Variants in WDR19 observed in about 807,000 individuals in gnomAD.
The protein encoded by WDR19 is WD repeat-containing protein 19.
A neutral mutation model predicts 180.0 loss-of-function variants in WDR19; 121 were observed. That is an observed-to-expected ratio of 0.67 (90% CI 0.58 to 0.78). The LOEUF (loss-of-function observed/expected upper bound fraction) is 0.78. WDR19 is among the 30% of genes least tolerant of loss of function. The pLI, the probability that WDR19 is intolerant of heterozygous loss-of-function variation, is 0.00. For missense variants in WDR19, 1,450 were observed against 1,640.7 expected, an observed-to-expected ratio of 0.88 and a Z score of 2.01; for synonymous variants, 497 against 540.7, an observed-to-expected ratio of 0.92 and a Z score of 1.12.
At position 39,185,530 on chromosome 4, in the gene WDR19, G is replaced by C. The variant is rs28639548; in HGVS notation, c.7-196G>C. Among the ~76,000 whole-genome samples, 47,858 of 151,938 alleles carry C rather than the reference G, an allele frequency of 0.31. 7,664 individuals carry two copies. The highest frequency in any genetic ancestry group is 0.36 in the African/African-American group (14,842 of 41,428). On this transcript the variant is annotated intron_variant, in intron 1 of 36. Coordinates refer to ENST00000399820, the MANE Select transcript of WDR19 (RefSeq NM_025132.4). ...TATCTTGAGATCTGTAATTTACCAA[G>C]TAGTTGTGTATGTTTAGTTGGTTGG...
At chr4:39,237,565 C>A (rs1371218794) in intron 20 of WDR19, 1 of 151,854 alleles carries the variant, frequency 6.6e-6, no homozygotes, top group Non-Finnish European at 1.5e-5. Flanking sequence ...GACCCTGTCT[C>A]AAAAAAAGAA....
intron 1 of WDR19, among the ~76,000 whole-genome samples, chr4:39,184,681 G>A (rs776650332): frequency 1.3e-5 from 2 of 151,898 alleles, no homozygotes; most frequent in African/African-American, 2.4e-5. Context: ...TTGGCCAGGC[G>A]GTGTTTAATT....
intron 1 of WDR19, among the ~76,000 whole-genome samples, chr4:39,183,601 A>G (rs1393698368): frequency 1.3e-5 from 2 of 152,136 alleles, no homozygotes; most frequent in African/African-American, 4.8e-5. Flanking sequence ...CTTCGTGGCT[A>G]TTAGTGTGGA....
At chr4:39,204,671 A>G (rs1334672394) in intron 7 of WDR19, among the ~76,000 whole-genome samples, 1 of 152,228 alleles carries the variant, frequency 6.6e-6, no homozygotes, top group Admixed American at 6.5e-5. Flanking sequence ...AGTAGCAAAG[A>G]GACACTAGTT....
chr4:39,208,807 G>T (rs927067616), intron 9 of WDR19, among the ~76,000 whole-genome samples: 6 of 152,110 alleles, frequency 3.9e-5, no homozygotes, highest in African/African-American at 9.7e-5. Context: ...ACCTAAAGAT[G>T]ACTGAAAGTA....
At chr4:39,275,981 G>A (rs1735852727) in intron 33 of WDR19, among the ~76,000 whole-genome samples, 1 of 152,140 alleles carries the variant, frequency 6.6e-6, no homozygotes, top group East Asian at 1.9e-4. Context: ...AGAAAAACTA[G>A]GAAAAAGTAG....
Position 39,224,893 on chromosome 4 carries a change from G to A in WDR19, c.1489G>A (p.Val497Ile), listed in dbSNP as rs773247843. The part of the protein sequence containing the change: ...FLIYGTDTGV[V>I]QYFYIEDWQF... ...TTTTTTTTTTTTTTAGACTGGTGTC[G>A]TTCAGTATTTCTACATTGAAGACTG... The change falls in exon 15 of 37, where the codon GTT becomes ATT. Residue 497 changes from valine to isoleucine, a missense_variant. Transcript: ENST00000399820. The A allele has an allele frequency of 5.5e-5, 83 of 1,497,240 alleles. No individual in the cohort carries two copies. Among genetic ancestry groups the A allele is most frequent in the Middle Eastern group, 2.1e-4 (1 of 4,712 alleles). 92.7% of individuals were successfully genotyped at this position (1,497,240 alleles called of 1,614,324 possible).
intron 24 of WDR19, among the ~76,000 whole-genome samples, chr4:39,251,520 T>C (rs1157521240): frequency 2.6e-5 from 4 of 152,044 alleles, no homozygotes; most frequent in Non-Finnish European, 5.9e-5. Flanking sequence ...TGGGATCTAA[T>C]TAAACTAAAG....
intron 25 of WDR19, 97 bp from the exon 26 acceptor site, chr4:39,253,808 TA>T: frequency 2.8e-6 from 3 of 1,060,386 alleles, no homozygotes; most frequent in Non-Finnish European, 4.0e-6. Flanking sequence ...GCAATTTATC[TA>T]AAAATTTTGA....
At chr4:39,221,291 A>T (rs926416782) in intron 14 of WDR19, among the ~76,000 whole-genome samples, 1 of 152,132 alleles carries the variant, frequency 6.6e-6, no homozygotes, top group African/African-American at 2.4e-5. Flanking sequence ...GAAGATACTG[A>T]AGATTGAGAG....
intron 36 of WDR19, among the ~76,000 whole-genome samples, chr4:39,280,518 G>C (rs529380553): frequency 6.6e-6 from 1 of 152,114 alleles, no homozygotes; most frequent in East Asian, 1.9e-4. Flanking sequence ...AGCCAGGTAT[G>C]GTGGCATACA....
In WDR19 at chr4:39,205,195, T is replaced by A; in HGVS notation, c.645T>A (p.Asn215Lys). 1 of 1,600,780 alleles carries A rather than the reference T, an allele frequency of 6.2e-7. No individual in the cohort carries two copies. Among genetic ancestry groups the A allele is most frequent in the South Asian group, 1.1e-5 (1 of 88,428 alleles). The change falls in exon 8 of 37, where the codon AAT (asparagine) becomes AAA (lysine). Residue 215 changes from asparagine to lysine, a missense_variant. Asn to Lys is a moderately conservative substitution (Grantham distance 94, BLOSUM62 0). Coordinates refer to ENST00000399820, the MANE Select transcript of WDR19 (RefSeq NM_025132.4). The stretch of plus-strand genomic sequence containing the variant: ...GCAAGAAAACTTTGTTTTTTTTAAA[T>A]CTGAATGAACCAGATAACCCAGCTG... ...VLGKKTLFFL[N>K]LNEPDNPADL...
At chr4:39,230,047 G>A (rs1200627378) in intron 17 of WDR19, among the ~76,000 whole-genome samples, 1 of 152,164 alleles carries the variant, frequency 6.6e-6, no homozygotes, top group African/African-American at 2.4e-5. Flanking sequence ...GATCTCATCT[G>A]TTCTCCACAC....
chr4:39,237,163 T>C (rs1731464525), intron 20 of WDR19, among the ~76,000 whole-genome samples: 1 of 152,226 alleles, frequency 6.6e-6, no homozygotes, highest in Non-Finnish European at 1.5e-5. Context: ...TGATTTTTTC[T>C]ATAAAACATT....
chr4:39,279,820 G>A (rs1736287625), intron 36 of WDR19, among the ~76,000 whole-genome samples: 1 of 151,470 alleles, frequency 6.6e-6, no homozygotes, highest in African/African-American at 2.4e-5. Flanking sequence ...TCGTGCCTCA[G>A]GCTCCCTGAG....
At chr4:39,248,447 A>C (rs1732773583) in intron 24 of WDR19, among the ~76,000 whole-genome samples, 1 of 152,210 alleles carries the variant, frequency 6.6e-6, no homozygotes, top group Non-Finnish European at 1.5e-5. Context: ...GCATCAACTA[A>C]TGGGCAAAAT....
At chr4:39,207,989 A>G (rs941668294) in intron 9 of WDR19, among the ~76,000 whole-genome samples, 1 of 152,174 alleles carries the variant, frequency 6.6e-6, no homozygotes, top group Non-Finnish European at 1.5e-5. Context: ...AAGTTTTTGT[A>G]TGCGATAAGA....
At chr4:39,189,625 T>C in intron 3 of WDR19, 31 bp from the exon 4 acceptor site, 1 of 1,546,800 alleles carries the variant, frequency 6.5e-7, no homozygotes. Context: ...TAAAAAACTG[T>C]ATAGTGGTAT....
intron 21 of WDR19, among the ~76,000 whole-genome samples, chr4:39,241,493 CA>C (rs36076556): frequency 5.0e-5 from 6 of 119,512 alleles, no homozygotes; most frequent in African/African-American, 6.7e-5. Flanking sequence ...GACTATATCT[CA>C]AAAAAAAAAA....
Sources: gnomAD v4.1 joint callset for allele counts (sites outside exome capture counted in the v4.1 genomes callset) on GRCh38, gnomAD v4.1.1 for gene constraint, MANE v1.5 for transcripts, NCBI Gene and HGNC (gene_info 2026-07-23, HGNC 2026-07-21) for gene names.